Variants in ASXL2 observed in about 807,000 individuals in gnomAD.
ASXL2 encodes the protein ASXL transcriptional regulator 2.
In ASXL2, 23 loss-of-function variants were observed where a neutral mutation model predicts 122.0. The ratio of observed to expected loss-of-function variants is 0.19; its 90% CI spans 0.14 to 0.27. The LOEUF (loss-of-function observed/expected upper bound fraction) is 0.27, where lower values mean the gene tolerates loss of function less well. Ranked by LOEUF, ASXL2 falls within the 10% of genes least tolerant of loss-of-function variation. The pLI is 1.00. For missense variants in ASXL2, 1,518 were observed against 1,713.8 expected, an observed-to-expected ratio of 0.89 and a Z score of 2.02; for synonymous variants, 650 against 637.0, an observed-to-expected ratio of 1.02 and a Z score of -0.31.
chr2:25,872,528 T>C (rs1193108995), intron 1 of ASXL2, among the ~76,000 whole-genome samples: 2 of 152,168 alleles, frequency 1.3e-5, no homozygotes, highest in Admixed American at 6.5e-5. Context: ...AAACAATTCA[T>C]AAACAAAATC....
chr2:25,770,248 G>C (rs568107216), intron 6 of ASXL2, among the ~76,000 whole-genome samples: 29 of 151,696 alleles, frequency 1.9e-4, no homozygotes, highest in African/African-American at 6.3e-4. Context: ...TTGCTCTGTT[G>C]CCCAGGCTGG....
intron 3 of ASXL2, among the ~76,000 whole-genome samples, chr2:25,817,385 C>G (rs1278486499): frequency 6.6e-6 from 1 of 152,128 alleles, no homozygotes; most frequent in Non-Finnish European, 1.5e-5. Context: ...TCCTCAACTT[C>G]AGAGATCATT....
intron 1 of ASXL2, 77 bp from the exon 2 acceptor site, chr2:25,845,640 C>A: frequency 1.6e-6 from 1 of 639,076 alleles, no homozygotes; most frequent in South Asian, 5.5e-5. Context: ...CTTATAATTA[C>A]GTCTTAAAAG....
intron 5 of ASXL2, among the ~76,000 whole-genome samples, chr2:25,780,835 C>A (rs934368224): frequency 1.3e-5 from 2 of 152,040 alleles, no homozygotes; most frequent in African/African-American, 4.8e-5. Context: ...TGCCTGTAGT[C>A]CCAGCACTTT....
rs552757741 is a variant in ASXL2 at position 25,797,122 on chromosome 2, A to C, written c.403+2263T>G. Among the ~76,000 whole-genome samples the C allele has an allele frequency of 1.2e-4, 18 of 152,342 alleles. No individual in the cohort carries two copies. The South Asian group carries it at 3.7e-3, about 32-fold the overall frequency. ...ATTAAACATTTCTGATCTGAGAAAGAAACTGCCAAGAAAATACAAAGACAA... is the reference window on the plus strand; with the variant it reads ...ATTAAACATTTCTGATCTGAGAAAGCAACTGCCAAGAAAATACAAAGACAA... On this transcript the variant is annotated intron_variant, in intron 5 of 12. Transcript: ENST00000435504.
intron 4 of ASXL2, among the ~76,000 whole-genome samples, chr2:25,803,175 G>C (rs1413686015): frequency 7.7e-6 from 1 of 130,678 alleles, no homozygotes; most frequent in African/African-American, 2.6e-5. Context: ...GAATGATTTA[G>C]CTGATCACAT....
intron 1 of ASXL2, among the ~76,000 whole-genome samples, chr2:25,848,739 C>T (rs2089680092): frequency 6.6e-6 from 1 of 151,826 alleles, no homozygotes; most frequent in South Asian, 2.1e-4. Flanking sequence ...ACACAGTAAA[C>T]CAGTTGGTTA....
Position 25,740,864 on chromosome 2 carries a change from A to G in ASXL2, c.*1165T>C, listed in dbSNP as rs1236349583. On this transcript the variant is annotated 3_prime_UTR_variant, in exon 13 of 13. Coordinates refer to ENST00000435504, the MANE Select transcript of ASXL2 (RefSeq NM_018263.6). ...ACGTATGTGTAAAGTAAGATATAATAAGATGATGTCATCCTGTTCAGATGC... is the reference window on the plus strand; with the variant it reads ...ACGTATGTGTAAAGTAAGATATAATGAGATGATGTCATCCTGTTCAGATGC... 1 of 190,724 alleles carries G rather than the reference A, an allele frequency of 5.2e-6. No individual in the cohort carries two copies. Among genetic ancestry groups the G allele is most frequent in the African/African-American group, 2.3e-5 (1 of 43,026 alleles). 11.8% of individuals were successfully genotyped at this position (190,724 alleles called of 1,614,324 possible).
At chr2:25,815,035 T>A (rs2089216811) in intron 3 of ASXL2, among the ~76,000 whole-genome samples, 3 of 152,190 alleles carry the variant, frequency 2.0e-5, no homozygotes, top group Admixed American at 6.5e-5. Context: ...CTACAGCAGT[T>A]ACTTTACCAA....
intron 1 of ASXL2, among the ~76,000 whole-genome samples, chr2:25,854,208 C>T (rs549484887): frequency 9.2e-5 from 14 of 152,166 alleles, no homozygotes; most frequent in Non-Finnish European, 1.3e-4. Flanking sequence ...AGGTTATACA[C>T]ACTCCCTAGT....
At position 25,736,491 on chromosome 2, in the gene ASXL2, TAAG is replaced by T. The variant is rs2087737078; in HGVS notation, c.*5535_*5537del. The T allele has an allele frequency of 1.3e-5, 2 of 152,226 alleles. No individual in the cohort carries two copies. Among genetic ancestry groups the T allele is most frequent in the Admixed American group, 6.5e-5 (1 of 15,280 alleles). 9.4% of individuals were successfully genotyped at this position (152,226 alleles called of 1,614,324 possible). A position where few individuals can be genotyped will look rare whatever the true frequency, so the allele number is the denominator to read the frequency against. On this transcript the variant is annotated 3_prime_UTR_variant, in exon 13 of 13. Coordinates refer to ENST00000435504, the MANE Select transcript of ASXL2 (RefSeq NM_018263.6). ...GAAGATGCTAATGTCCCCTGAGACT[TAAG>T]AAGCTTCCTTTAGAAACAGCACATT...
At chr2:25,774,387 C>A (rs1048274156) in intron 5 of ASXL2, among the ~76,000 whole-genome samples, 2 of 151,892 alleles carry the variant, frequency 1.3e-5, no homozygotes, top group Non-Finnish European at 2.9e-5. Flanking sequence ...TTTTGTGATC[C>A]CAGCCGGTCA....
At chr2:25,851,541 G>C (rs1559528546) in intron 1 of ASXL2, among the ~76,000 whole-genome samples, 1 of 152,012 alleles carries the variant, frequency 6.6e-6, no homozygotes, top group Non-Finnish European at 1.5e-5. Flanking sequence ...TTTATGTATT[G>C]TAACTGACTG....
chr2:25,765,220 T>C (rs974609646), intron 8 of ASXL2, among the ~76,000 whole-genome samples: 3 of 152,152 alleles, frequency 2.0e-5, no homozygotes, highest in Non-Finnish European at 2.9e-5. Flanking sequence ...GGGCGGTGGC[T>C]CATGCCTGTA....
intron 8 of ASXL2, among the ~76,000 whole-genome samples, chr2:25,761,536 G>C (rs558384495): frequency 1.3e-5 from 2 of 152,070 alleles, no homozygotes; most frequent in East Asian, 3.9e-4. Flanking sequence ...AGCCGGGCTT[G>C]GTGGTGCGCG....
chr2:25,798,947 G>T (rs1018863410), intron 5 of ASXL2, among the ~76,000 whole-genome samples: 1 of 152,122 alleles, frequency 6.6e-6, no homozygotes, highest in Non-Finnish European at 1.5e-5. Context: ...GTAAACCATG[G>T]ACTCTGGGTG....
intron 2 of ASXL2, among the ~76,000 whole-genome samples, 151 bp from the exon 3 acceptor site, chr2:25,835,691 T>C (rs2089502530): frequency 6.6e-6 from 1 of 152,198 alleles, no homozygotes; most frequent in African/African-American, 2.4e-5. Context: ...CCCTCATTAA[T>C]TTCTTCATTA....
At chr2:25,752,062 G>A (rs546966941) in intron 11 of ASXL2, among the ~76,000 whole-genome samples, 1 of 152,214 alleles carries the variant, frequency 6.6e-6, no homozygotes, top group East Asian at 1.9e-4. Flanking sequence ...GTGAGCCACC[G>A]CAACTGGCCG....
chr2:25,742,419 T>G lies in ASXL2; in HGVS notation c.3918A>C (p.Leu1306=), dbSNP rs534744008. The change falls in exon 13 of 13, where the codon CTA becomes CTC. Residue 1306 remains leucine (L), a synonymous_variant. Transcript: ENST00000435504. ...TCGGGGTTTGCAGGGGTGGAAGGAGTAGGGGCTGGTGGGTGGGGCTGTCTG... is the reference window on the plus strand; with the variant it reads ...TCGGGGTTTGCAGGGGTGGAAGGAGGAGGGGCTGGTGGGTGGGGCTGTCTG... ...LPADSPTHQP[L]LLPPLQTPKL... is the part of the protein sequence containing the mutation. 1.5e-4 allele frequency: 105 copies of G among 684,996 alleles called. No individual in the cohort carries two copies. In the East Asian group the frequency reaches 6.5e-3, roughly 43 times the overall value. The allele number at this position is 684,996 out of a possible 1,614,324, so 42.4% of individuals were successfully genotyped here. A position where few individuals can be genotyped will look rare whatever the true frequency, so the allele number is the denominator to read the frequency against.
Sources: allele counts gnomAD v4.1 joint callset (sites outside exome capture counted in the v4.1 genomes callset), GRCh38; gene constraint gnomAD v4.1.1; transcripts MANE v1.5; gene names NCBI Gene and HGNC (gene_info 2026-07-23, HGNC 2026-07-21).